MYLK3: variants seen among roughly 807,000 people sequenced by gnomAD.
MYLK3 encodes the protein MLC kinase.
MYLK3 carries 55 observed loss-of-function variants against 76.3 expected under a neutral mutation model. The observed-to-expected ratio is 0.72, with a 90% CI of 0.58 to 0.90. The LOEUF is 0.90. MYLK3 is among the 40% of genes least tolerant of loss of function. MYLK3 has a pLI of 0.00. For synonymous variants in MYLK3, 416 were observed against 425.4 expected (o/e 0.98, Z 0.27); for missense variants, 973 against 1,053.6 (o/e 0.92, Z 1.06).
intron 5 of MYLK3, 26 bp downstream of exon 5, chr16:46,730,567 C>T (rs1431171229): frequency 6.9e-6 from 11 of 1,597,468 alleles, no homozygotes; most frequent in South Asian, 2.2e-5. Context: ...CTCTAAGCCC[C>T]CCAACCAAGG....
At chr16:46,719,479 T>A (rs1260157583) in intron 9 of MYLK3, among the ~76,000 whole-genome samples, 7 of 152,178 alleles carry the variant, frequency 4.6e-5, no homozygotes, top group Non-Finnish European at 8.8e-5. Flanking sequence ...CCTTCCCAAA[T>A]GCCAAGGGTC....
At chr16:46,758,827 G>A (rs1187718912) in intron 1 of MYLK3, among the ~76,000 whole-genome samples, 10 of 152,144 alleles carry the variant, frequency 6.6e-5, no homozygotes, top group African/African-American at 7.2e-5. Flanking sequence ...TGCGGGGTGC[G>A]GGGTGAGACT....
chr16:46,749,588 C>A (rs1967092173), upstream of MYLK3, among the ~76,000 whole-genome samples: 1 of 152,156 alleles, frequency 6.6e-6, no homozygotes, highest in Non-Finnish European at 1.5e-5. Flanking sequence ...GAGACCTGGT[C>A]TCTACAAAAA....
chr16:46,713,094 T>G (rs1333082807), intron 9 of MYLK3, among the ~76,000 whole-genome samples: 1 of 152,166 alleles, frequency 6.6e-6, no homozygotes, highest in Non-Finnish European at 1.5e-5. Flanking sequence ...AAGTTATTAT[T>G]TAATGGGTAT....
intron 2 of MYLK3, among the ~76,000 whole-genome samples, chr16:46,738,435 G>T (rs758403858): frequency 2.6e-5 from 4 of 152,210 alleles, no homozygotes; most frequent in Non-Finnish European, 5.9e-5. Flanking sequence ...ATGGTCACAT[G>T]TGCCTGCAAT....
At chr16:46,750,823 C>A (rs1038138230), upstream of MYLK3, among the ~76,000 whole-genome samples, 1 of 150,388 alleles carries the variant, frequency 6.6e-6, no homozygotes, top group Non-Finnish European at 1.5e-5. Flanking sequence ...AATCCCATCT[C>A]TACTAAAAAA....
At chr16:46,716,221 C>T (rs1458163398) in intron 9 of MYLK3, among the ~76,000 whole-genome samples, 2 of 152,044 alleles carry the variant, frequency 1.3e-5, no homozygotes, top group Non-Finnish European at 2.9e-5. Context: ...CTTCTGGTCC[C>T]GCCAGCAAAT....
At chr16:46,752,984 G>A (rs541617358), upstream of MYLK3, among the ~76,000 whole-genome samples, 3 of 152,308 alleles carry the variant, frequency 2.0e-5, no homozygotes, top group African/African-American at 7.2e-5. Flanking sequence ...GGTAAAGGAA[G>A]AAAATAAATA....
At chr16:46,734,433 G>C (rs1421884222) in intron 3 of MYLK3, among the ~76,000 whole-genome samples, 1 of 152,194 alleles carries the variant, frequency 6.6e-6, no homozygotes, top group Non-Finnish European at 1.5e-5. Flanking sequence ...GGCCAACATG[G>C]AGAAAGTCCA....
chr16:46,753,913 A>C (rs989491898), intron 1 of MYLK3, among the ~76,000 whole-genome samples: 1 of 152,230 alleles, frequency 6.6e-6, no homozygotes, highest in African/African-American at 2.4e-5. Context: ...ACCCTGTCTC[A>C]AAAAACAAAC....
At chr16:46,726,714 A>AAAGAAAG (rs1966842542) in intron 8 of MYLK3, 2 of 149,160 alleles carry the variant, frequency 1.3e-5, no homozygotes, top group Admixed American at 1.3e-4. Flanking sequence ...AGAAAGAAAG[A>AAAGAAAG]AAGAAAGAAA....
intron 8 of MYLK3, among the ~76,000 whole-genome samples, chr16:46,725,019 T>C (rs1022039316): frequency 2.0e-5 from 3 of 152,224 alleles, no homozygotes; most frequent in Non-Finnish European, 2.9e-5. Context: ...TTAATTTTTT[T>C]CTAAGTATAT....
intron 9 of MYLK3, among the ~76,000 whole-genome samples, chr16:46,713,707 T>C (rs1242662122): frequency 6.6e-6 from 1 of 152,238 alleles, no homozygotes; most frequent in African/African-American, 2.4e-5. Context: ...AAGTGAAATA[T>C]TGTATCCTTT....
intron 9 of MYLK3, among the ~76,000 whole-genome samples, chr16:46,720,795 G>A (rs370340044): frequency 6.6e-6 from 1 of 152,174 alleles, no homozygotes; most frequent in Non-Finnish European, 1.5e-5. Flanking sequence ...CTGGCCCCAG[G>A]ATGCCTGGGG....
In MYLK3 at chr16:46,740,184, T is replaced by A. The variant is rs1449439675; in HGVS notation, c.478-37A>T. 4 of 1,551,800 alleles carry A rather than the reference T, an allele frequency of 2.6e-6. No homozygotes were observed. In the South Asian group the frequency reaches 4.5e-5, roughly 17 times the overall value. On this transcript the variant is annotated intron_variant, in intron 1 of 12. Coordinates refer to ENST00000394809, the MANE Select transcript of MYLK3 (RefSeq NM_182493.3). ...ACCATAAAAAATGTCATCATTATCA[T>A]CAACATTGCCATTCAGGCCACAGAC...
chr16:46,748,163 GC>G lies in MYLK3; in HGVS notation c.30del (p.His11MetfsTer12), dbSNP rs765941019. 19 of 1,613,932 alleles carry G rather than the reference GC, an allele frequency of 1.2e-5. No homozygotes were observed. The East Asian group carries it at 4.2e-4, about 36-fold the overall frequency. On this transcript the variant is annotated frameshift_variant, in exon 1 of 13. Coordinates refer to ENST00000394809, the MANE Select transcript of MYLK3 (RefSeq NM_182493.3). LOFTEE classifies it high-confidence loss of function. This position sits in a 1 kb window ranked among gnomAD's most constrained non-coding sequence, Gnocchi z 4.3. The part of the protein sequence containing the change: MSGTSKESL[G>X]HGGLPGLGKT... ...TTGCCCAACCCTGGCAGCCCCCCAT[GC>G]CCCAGACTCTCCTTGGAGGTTCCTG...
chr16:46,729,558 C>T, intron 6 of MYLK3, 36 bp downstream of exon 6: 1 of 1,590,004 alleles, frequency 6.3e-7, no homozygotes, highest in Non-Finnish European at 8.6e-7. Flanking sequence ...AATCCTGAGG[C>T]TGGCCACAGG....
chr16:46,760,395 G>A (rs567840658), intron 1 of MYLK3, among the ~76,000 whole-genome samples: 1 of 152,330 alleles, frequency 6.6e-6, no homozygotes, highest in Admixed American at 6.5e-5. Flanking sequence ...CCGTGGGCAG[G>A]CCCTGTGCTC....
intron 5 of MYLK3, 44 bp downstream of exon 5, chr16:46,730,549 G>T (rs555736910): frequency 2.6e-6 from 4 of 1,540,848 alleles, no homozygotes; most frequent in East Asian, 4.5e-5. Context: ...CCTGCCCCGT[G>T]ACTCCTGCTC....
Sources: allele counts gnomAD v4.1 joint callset (sites outside exome capture counted in the v4.1 genomes callset), GRCh38; gene constraint gnomAD v4.1.1; non-coding constraint Gnocchi (gnomAD v3.1); transcripts MANE v1.5; gene names NCBI Gene and HGNC (gene_info 2026-07-23, HGNC 2026-07-21).